The following CDCA2 variants were observed in gnomAD, a reference collection of about 807,000 sequenced individuals.
CDCA2 encodes cell division cycle-associated protein 2.
Under a neutral mutation model 67.0 loss-of-function variants are expected in CDCA2, and 44 were observed. The observed-to-expected ratio is 0.66, with a 90% confidence interval of 0.52 to 0.84. The LOEUF (loss-of-function observed/expected upper bound fraction) is 0.84, where lower values mean the gene tolerates loss of function less well. Ranked by LOEUF, CDCA2 falls within the 40% of genes least tolerant of loss-of-function variation. CDCA2 has a pLI of 0.00. For synonymous variants in CDCA2, 447 were observed against 418.7 expected (o/e 1.07, Z -0.82); for missense variants, 1,253 against 1,203.2 (o/e 1.04, Z -0.61).
intron 14 of CDCA2, among the ~76,000 whole-genome samples, chr8:25,504,452 A>G (rs1462039435): frequency 1.3e-5 from 2 of 152,046 alleles, no homozygotes; most frequent in Non-Finnish European, 2.9e-5. Context: ...ATGTGTGTCC[A>G]TTTGGTGTGT....
At chr8:25,485,577 A>G (rs1431569025) in intron 10 of CDCA2, among the ~76,000 whole-genome samples, 182 bp from the exon 11 acceptor site, 1 of 152,190 alleles carries the variant, frequency 6.6e-6, no homozygotes, top group African/African-American at 2.4e-5. Context: ...GGTAAATGGT[A>G]TACATATATT....
Position 25,468,397 on chromosome 8 carries a change from C to A in CDCA2, c.719C>A (p.Ser240Tyr), listed in dbSNP as rs771817829. The change falls in exon 6 of 15, where the codon TCT (serine) becomes TAT (tyrosine). Residue 240 changes from serine to tyrosine, a missense_variant. Transcript: ENST00000330560. ...GACAGAGCATGTGCAGTTGAAACTT[C>A]TGTAGATCTTTCTGAGGTAATTCAC... ...DTDRACAVET[S>Y]VDLSEISSKL... 7.4e-6 allele frequency: 12 copies of A among 1,610,812 alleles called. No individual in the cohort carries two copies. The highest frequency in any genetic ancestry group is 1.0e-5 in the Non-Finnish European group (12 of 1,178,522).
Position 25,507,652 on chromosome 8 carries a change from C to G in CDCA2, c.2986C>G (p.Arg996Gly), listed in dbSNP as rs373278295. 1.2e-6 allele frequency: 2 copies of G among 1,614,170 alleles called. No homozygotes were observed. The highest frequency in any genetic ancestry group is 2.2e-5 in the South Asian group (2 of 91,088). Reference protein sequence around the residue: ...TKATSQFKGYRRRSSLNGKGE... With the variant: ...TKATSQFKGYGRRSSLNGKGE... ...AGCCACTTCCCAGTTCAAAGGCTAC[C>G]GGAGAAGATCCTCTCTTAATGGGAA... The change falls in exon 15 of 15, where the codon CGG becomes GGG. Residue 996 changes from arginine (R) to glycine (G), a missense_variant. Physicochemically the swap from Arg to Gly is moderately radical, Grantham distance 125. Coordinates refer to ENST00000330560, the MANE Select transcript of CDCA2 (RefSeq NM_152562.4).
intron 7 of CDCA2, among the ~76,000 whole-genome samples, 183 bp downstream of exon 7, chr8:25,470,163 T>C (rs1411122659): frequency 2.6e-5 from 4 of 152,312 alleles, no homozygotes; most frequent in South Asian, 2.1e-4. Context: ...TAAGCTACGA[T>C]CAATAAGAAT....
intron 13 of CDCA2, among the ~76,000 whole-genome samples, chr8:25,496,664 A>G (rs1041713623): frequency 2.0e-5 from 3 of 152,254 alleles, no homozygotes; most frequent in Admixed American, 1.3e-4. Flanking sequence ...AGACATGCAA[A>G]TGGCTAACAT....
At chr8:25,489,267 C>G (rs527380704) in intron 13 of CDCA2, among the ~76,000 whole-genome samples, 75 of 152,288 alleles carry the variant, frequency 4.9e-4, no homozygotes, top group Non-Finnish European at 8.1e-4. Context: ...GCCATTCTTA[C>G]AACTTGTTAC....
Position 25,462,123 on chromosome 8 carries a change from C to G in CDCA2, c.302C>G (p.Thr101Arg), listed in dbSNP as rs1207713828. 3.1e-6 allele frequency: 5 copies of G among 1,614,174 alleles called. No individual in the cohort carries two copies. Among genetic ancestry groups the G allele is most frequent in the Non-Finnish European group, 4.2e-6 (5 of 1,180,006 alleles). Residue 101 changes from threonine to arginine, a missense_variant, in exon 4 of 15, where the codon ACA becomes AGA. Physicochemically the swap from Thr to Arg is moderately conservative, Grantham distance 71. Coordinates refer to ENST00000330560, the MANE Select transcript of CDCA2 (RefSeq NM_152562.4). ...GTCGGTGCTCGGGGCTCTCCTGAAA[C>G]AAACCATCTGATTCGTTTCATTGCT... Reference protein sequence around the residue: ...SAVGARGSPETNHLIRFIARQ... With the variant: ...SAVGARGSPERNHLIRFIARQ...
intron 4 of CDCA2, among the ~76,000 whole-genome samples, chr8:25,462,852 A>T (rs1045634600): frequency 1.3e-4 from 20 of 151,404 alleles, no homozygotes; most frequent in African/African-American, 3.2e-4. Context: ...AATTATAAAA[A>T]TTTTTTTTTG....
chr8:25,464,717 C>T (rs750710191), intron 4 of CDCA2, among the ~76,000 whole-genome samples: 9 of 152,256 alleles, frequency 5.9e-5, no homozygotes, highest in Admixed American at 6.5e-5. Context: ...GCAAAAAAAG[C>T]ACATTCAAAG....
At chr8:25,483,517 A>G (rs1009312496) in intron 9 of CDCA2, 31 bp downstream of exon 9, 2 of 1,487,420 alleles carry the variant, frequency 1.3e-6, no homozygotes, top group South Asian at 2.3e-5. Context: ...TTTAAGCTTG[A>G]GGATATCATT....
rs1803459884 is a variant in CDCA2, at chr8:25,478,912, A to ATG, written c.821-1000_821-999insGT. 5.4e-5 allele frequency among the ~76,000 whole-genome samples: 8 copies of ATG among 149,178 alleles called. 1 individual carries two copies. The South Asian group carries it at 1.1e-3, about 20-fold the overall frequency. ...TGTATATATATATATATATATATAT[A>ATG]TTAACTTTTTACTTGAAATAACTAT... is the stretch of plus-strand genomic sequence containing the variant. On this transcript the variant is annotated intron_variant, in intron 7 of 14. Transcript: ENST00000330560.
intron 4 of CDCA2, 137 bp downstream of exon 4, chr8:25,462,345 G>A (rs1316915454): frequency 8.4e-6 from 8 of 950,990 alleles, no homozygotes; most frequent in East Asian, 7.8e-5. Context: ...TGCAGTTAGC[G>A]GCCGGGCGCG....
chr8:25,490,167 A>T (rs573846575), intron 13 of CDCA2, among the ~76,000 whole-genome samples: 4 of 152,302 alleles, frequency 2.6e-5, no homozygotes, highest in African/African-American at 9.6e-5. Context: ...AAAAATATAC[A>T]TACAACTTAT....
rs188629942 is a variant in CDCA2 at position 25,467,236 on chromosome 8, C to A, written c.538+911C>A. Among the ~76,000 whole-genome samples the A allele has an allele frequency of 1.7e-3, 252 of 151,738 alleles. 1 individual carries two copies. Among genetic ancestry groups the A allele is most frequent in the African/African-American group, 5.8e-3 (242 of 41,416 alleles). ...CTTGGTCTTACTGTAATCATTATAA[C>A]CATTCTCTGGTACTTTACACACTAA... is the stretch of plus-strand genomic sequence containing the variant. On this transcript the variant is annotated intron_variant, in intron 5 of 14. Transcript: ENST00000330560.
Position 25,483,435 on chromosome 8 carries a change from C to T in CDCA2, c.1069C>T (p.His357Tyr), listed in dbSNP as rs974521049. Reference protein sequence around the residue: ...CNNLYDDDGTHPSLISNLPNC... With the variant: ...CNNLYDDDGTYPSLISNLPNC... The stretch of plus-strand genomic sequence containing the variant: ...CAACCTCTATGATGATGATGGGACT[C>T]ATCCGAGCTTAATCTCAAATCTCCC... Residue 357 changes from histidine to tyrosine, a missense_variant, in exon 9 of 15, where the codon CAT (histidine) becomes TAT (tyrosine). Coordinates refer to ENST00000330560, the MANE Select transcript of CDCA2 (RefSeq NM_152562.4). The T allele has an allele frequency of 3.7e-6, 6 of 1,611,326 alleles. No homozygotes were observed. The African/African-American group carries it at 6.7e-5, about 18-fold the overall frequency.
intron 4 of CDCA2, among the ~76,000 whole-genome samples, chr8:25,464,456 C>CA (rs1214844343): frequency 6.6e-6 from 1 of 152,164 alleles, no homozygotes; most frequent in Non-Finnish European, 1.5e-5. Context: ...CTGAGCCCCT[C>CA]AAACAGTTTG....
At chr8:25,470,426 A>G (rs974611754) in intron 7 of CDCA2, among the ~76,000 whole-genome samples, 5 of 152,190 alleles carry the variant, frequency 3.3e-5, no homozygotes, top group Non-Finnish European at 7.3e-5. Context: ...TTATGGGCAT[A>G]TAATTGGATC....
At chr8:25,486,464 C>G (rs1388430860) in intron 11 of CDCA2, among the ~76,000 whole-genome samples, 1 of 152,068 alleles carries the variant, frequency 6.6e-6, no homozygotes, top group African/African-American at 2.4e-5. Flanking sequence ...CTATCACATT[C>G]CAAAGGCCAT....
chr8:25,467,390 G>C (rs1215309198), intron 5 of CDCA2, among the ~76,000 whole-genome samples: 8 of 152,154 alleles, frequency 5.3e-5, no homozygotes, highest in African/African-American at 1.9e-4. Context: ...GACCCATTCA[G>C]ATGTACCGAT....
Sources: gnomAD v4.1 joint callset for allele counts (sites outside exome capture counted in the v4.1 genomes callset) on GRCh38, gnomAD v4.1.1 for gene constraint, MANE v1.5 for transcripts, NCBI Gene and HGNC (gene_info 2026-07-23, HGNC 2026-07-21) for gene names.